The following RAPGEF4 variants were observed in gnomAD, a reference collection of about 807,000 sequenced individuals.
RAPGEF4 encodes Rap guanine nucleotide exchange factor 4, also known as RAP guanine-nucleotide-exchange factor (GEF) 4.
A neutral mutation model predicts 147.9 loss-of-function variants in RAPGEF4; 66 were observed. The ratio of observed to expected loss-of-function variants is 0.45; its 90% CI spans 0.37 to 0.55. The LOEUF (loss-of-function observed/expected upper bound fraction) is 0.55. Ranked by LOEUF, RAPGEF4 falls within the 20% of genes least tolerant of loss-of-function variation. The pLI is 0.00. For synonymous variants in RAPGEF4, 419 were observed against 442.7 expected, an observed-to-expected ratio of 0.95 and a Z score of 0.67; for missense variants, 1,071 against 1,257.3, an observed-to-expected ratio of 0.85 and a Z score of 2.24.
chr2:172,772,132 G>A (rs1345200761), intron 1 of RAPGEF4, among the ~76,000 whole-genome samples: 2 of 151,984 alleles, frequency 1.3e-5, no homozygotes, highest in African/African-American at 4.8e-5. Flanking sequence ...TCAGCTACTC[G>A]GGAGGCTGAG....
chr2:173,012,153 T>A (rs899173738), intron 17 of RAPGEF4, among the ~76,000 whole-genome samples: 1 of 152,206 alleles, frequency 6.6e-6, no homozygotes, highest in Non-Finnish European at 1.5e-5. Context: ...TCAGAAAGGT[T>A]GTCTTTCACA....
At chr2:172,913,110 G>C (rs1683633168) in intron 4 of RAPGEF4, among the ~76,000 whole-genome samples, 1 of 151,930 alleles carries the variant, frequency 6.6e-6, no homozygotes, top group African/African-American at 2.4e-5. Context: ...TGGCCAAGCT[G>C]GTCTTGAACT....
chr2:172,934,308 C>A lies in RAPGEF4; in HGVS notation c.537+12008C>A, dbSNP rs567987695. ...GGGATTACAGGCACCTACCACCATGCCCGGCTAATTTTTGTATTTTTTAGT... is the reference window on the plus strand; with the variant it reads ...GGGATTACAGGCACCTACCACCATGACCGGCTAATTTTTGTATTTTTTAGT... On this transcript the variant is annotated intron_variant, in intron 6 of 30. Transcript: ENST00000397081. Among the ~76,000 whole-genome samples, 5 of 152,062 alleles carry A rather than the reference C, an allele frequency of 3.3e-5. No individual in the cohort carries two copies. The South Asian group carries it at 1.0e-3, about 32-fold the overall frequency.
chr2:172,810,636 A>G (rs1687937890), intron 3 of RAPGEF4, among the ~76,000 whole-genome samples: 1 of 152,248 alleles, frequency 6.6e-6, no homozygotes, highest in Non-Finnish European at 1.5e-5. Context: ...TGTTCCCATC[A>G]GCCCTTGTTA....
At chr2:172,941,572 A>G (rs557575588) in intron 6 of RAPGEF4, among the ~76,000 whole-genome samples, 21 of 152,198 alleles carry the variant, frequency 1.4e-4, no homozygotes, top group Admixed American at 5.9e-4. Flanking sequence ...TTTTTTTCTT[A>G]TCATTATTAA....
At chr2:172,805,206 G>A (rs1481673477) in intron 3 of RAPGEF4, among the ~76,000 whole-genome samples, 1 of 152,288 alleles carries the variant, frequency 6.6e-6, no homozygotes, top group African/African-American at 2.4e-5. Flanking sequence ...GACTGGAGGG[G>A]AGACAATGGT....
intron 24 of RAPGEF4, 132 bp from the exon 25 acceptor site, chr2:173,026,949 T>C (rs1696720945): frequency 1.1e-6 from 1 of 883,954 alleles, no homozygotes; most frequent in African/African-American, 1.7e-5. Context: ...TTAACAAACC[T>C]CATGGAAGCC....
chr2:172,749,637 C>T (rs563929887), intron 1 of RAPGEF4, among the ~76,000 whole-genome samples: 115 of 152,346 alleles, frequency 7.5e-4, no homozygotes, highest in Admixed American at 1.9e-3. Flanking sequence ...GCCCTGGAGA[C>T]GTTTTTCTCC....
chr2:172,773,339 G>A (rs918973336), intron 1 of RAPGEF4, among the ~76,000 whole-genome samples: 5 of 152,194 alleles, frequency 3.3e-5, no homozygotes, highest in East Asian at 3.9e-4. Context: ...TTACATATTC[G>A]TTCTTGGACA....
intron 10 of RAPGEF4, among the ~76,000 whole-genome samples, chr2:172,969,521 G>GTGAATGAA (rs1174425523): frequency 6.6e-6 from 1 of 152,210 alleles, no homozygotes; most frequent in Non-Finnish European, 1.5e-5. Flanking sequence ...TGCTGAGTGA[G>GTGAATGAA]TGAATGAATG....
intron 1 of RAPGEF4, among the ~76,000 whole-genome samples, chr2:172,772,098 G>T (rs1010043862): frequency 7.2e-5 from 11 of 151,898 alleles, no homozygotes; most frequent in African/African-American, 2.7e-4. Context: ...AATTAGCTGG[G>T]TGTGGTGGCA....
chr2:172,843,202 A>G (rs1024073348), intron 4 of RAPGEF4, among the ~76,000 whole-genome samples: 1 of 152,358 alleles, frequency 6.6e-6, no homozygotes, highest in East Asian at 1.9e-4. Flanking sequence ...AAAAAGTGAC[A>G]GGAAAGAGAG....
chr2:172,744,860 T>C, intron 1 of RAPGEF4, among the ~76,000 whole-genome samples: 1 of 152,142 alleles, frequency 6.6e-6, no homozygotes, highest in East Asian at 1.9e-4. Flanking sequence ...ATTGAGATGA[T>C]TATATTATTT....
intron 4 of RAPGEF4, among the ~76,000 whole-genome samples, chr2:172,858,376 A>G (rs1693676945): frequency 6.6e-6 from 1 of 152,198 alleles, no homozygotes; most frequent in Admixed American, 6.5e-5. Context: ...TTGTTCATGT[A>G]TGTTACTTTC....
intron 8 of RAPGEF4, among the ~76,000 whole-genome samples, chr2:172,961,921 C>G (rs1689339468): frequency 6.6e-6 from 1 of 152,148 alleles, no homozygotes; most frequent in Admixed American, 6.5e-5. Flanking sequence ...AGCATGCATA[C>G]AGTAGGATAC....
chr2:172,855,260 A>G (rs531230063), intron 4 of RAPGEF4, among the ~76,000 whole-genome samples: 25 of 152,200 alleles, frequency 1.6e-4, no homozygotes, highest in African/African-American at 5.5e-4. Flanking sequence ...TTAACTTTTC[A>G]CATTCCACTT....
chr2:172,792,883 A>G (rs1045484931), intron 1 of RAPGEF4, among the ~76,000 whole-genome samples: 2 of 152,142 alleles, frequency 1.3e-5, no homozygotes, highest in Admixed American at 6.5e-5. Flanking sequence ...ATTCTTCTCC[A>G]TCTTGTGGCT....
chr2:172,781,255 T>G (rs1684651604), intron 1 of RAPGEF4, among the ~76,000 whole-genome samples: 2 of 152,178 alleles, frequency 1.3e-5, no homozygotes, highest in Non-Finnish European at 1.5e-5. Flanking sequence ...GCCTGCTAGG[T>G]GGCCCTTCTG....
intron 10 of RAPGEF4, among the ~76,000 whole-genome samples, chr2:172,972,191 C>T (rs926410040): frequency 6.6e-6 from 1 of 152,192 alleles, no homozygotes; most frequent in African/African-American, 2.4e-5. Context: ...TTCGATTCCA[C>T]ACACTTGCTC....
Sources: allele counts gnomAD v4.1 joint callset (sites outside exome capture counted in the v4.1 genomes callset), GRCh38; gene constraint gnomAD v4.1.1; transcripts MANE v1.5; gene names NCBI Gene and HGNC (gene_info 2026-07-23, HGNC 2026-07-21).